The following CEP112 variants were observed in gnomAD, a reference collection of about 807,000 sequenced individuals.
The protein encoded by CEP112 is centrosomal protein of 112 kDa.
CEP112 carries 127 observed loss-of-function variants against 153.0 expected under a neutral mutation model. The ratio of observed to expected loss-of-function variants is 0.83; its 90% CI spans 0.72 to 0.96. CEP112 has a LOEUF of 0.96. Ranked by LOEUF, CEP112 falls within the 40% of genes least tolerant of loss-of-function variation. The probability of loss-of-function intolerance (pLI) is 0.00; values close to 1 mark genes in which losing one functional copy is unlikely to be tolerated. For synonymous variants in CEP112, 358 were observed against 374.4 expected (o/e 0.96, Z 0.51); for missense variants, 1,089 against 1,101.2 (o/e 0.99, Z 0.16).
At chr17:65,971,190 CAT>C (rs1287417046) in intron 17 of CEP112, among the ~76,000 whole-genome samples, 7 of 147,688 alleles carry the variant, frequency 4.7e-5, no homozygotes, top group Non-Finnish European at 9.0e-5. Context: ...ACAGCACATG[CAT>C]ATCACATTGC....
At chr17:65,826,419 A>C in intron 21 of CEP112, 1 of 1,569,304 alleles carries the variant, frequency 6.4e-7, no homozygotes, top group East Asian at 2.2e-5. Context: ...CCCTGATAGA[A>C]AGGTGACTTG....
chr17:65,832,764 T>C (rs901550016), intron 21 of CEP112, among the ~76,000 whole-genome samples: 4 of 151,906 alleles, frequency 2.6e-5, no homozygotes, highest in Non-Finnish European at 5.9e-5. Context: ...AGCCAAATTC[T>C]ACCAGATGTA....
In CEP112 at chr17:66,029,880, T is replaced by C. The variant is rs771393908; in HGVS notation, c.1362A>G (p.Glu454=). Residue 454 remains glutamate, a synonymous_variant, in exon 13 of 27, where the codon GAA becomes GAG. Transcript: ENST00000535342. The part of the protein sequence containing the change: ...CYQITCSELQ[E]VKARRNTLHK... The stretch of plus-strand genomic sequence containing the variant: ...ATTTCAGACAATACCTTGCCTTTAC[T>C]TCTTGTAATTCACTACACGTTATCT... 2 of 1,613,404 alleles carry C rather than the reference T, an allele frequency of 1.2e-6. No homozygotes were observed. The highest frequency in any genetic ancestry group is 2.2e-5 in the South Asian group (2 of 91,010).
chr17:66,050,068 T>G (rs1179202708), intron 12 of CEP112, among the ~76,000 whole-genome samples: 1 of 152,152 alleles, frequency 6.6e-6, no homozygotes, highest in African/African-American at 2.4e-5. Context: ...ACTAGAGACA[T>G]TATAGTGATA....
intron 21 of CEP112, among the ~76,000 whole-genome samples, chr17:65,753,318 T>C (rs1260534901): frequency 1.3e-5 from 2 of 152,154 alleles, no homozygotes; most frequent in Non-Finnish European, 2.9e-5. Flanking sequence ...TGGGGCATAA[T>C]TGTCCATCTA....
At chr17:65,750,556 A>C in intron 22 of CEP112, 106 bp downstream of exon 22, 1 of 878,344 alleles carries the variant, frequency 1.1e-6, no homozygotes, top group African/African-American at 1.7e-5. Flanking sequence ...TCCACAAAAA[A>C]AAACTGAAAA....
rs148209828 is a variant in CEP112, at chr17:66,169,151, T to A, written c.470+5893A>T. On this transcript the variant is annotated intron_variant, in intron 4 of 26. Coordinates refer to ENST00000535342, the MANE Select transcript of CEP112 (RefSeq NM_001199165.4). The stretch of plus-strand genomic sequence containing the variant: ...TAAAAGCAGAAGAGACAGATTAAAT[T>A]ATAGTATATCCACATTATGGATTAT... Among the ~76,000 whole-genome samples, 681 of 152,196 alleles carry A rather than the reference T, an allele frequency of 4.5e-3. 3 individuals are homozygous for A. The highest frequency in any genetic ancestry group is 0.012 in the Admixed American group (187 of 15,286).
intron 20 of CEP112, among the ~76,000 whole-genome samples, chr17:65,856,229 G>T (rs576294741): frequency 6.6e-6 from 1 of 152,100 alleles, no homozygotes; most frequent in Non-Finnish European, 1.5e-5. Context: ...ATAGAATTGC[G>T]CATTGGAAGG....
At chr17:66,132,319 T>G (rs2070222086) in intron 5 of CEP112, among the ~76,000 whole-genome samples, 1 of 151,950 alleles carries the variant, frequency 6.6e-6, no homozygotes, top group African/African-American at 2.4e-5. Context: ...AGAAAAGCAG[T>G]GTTCCCTACT....
intron 6 of CEP112, among the ~76,000 whole-genome samples, chr17:66,128,884 T>C (rs896680304): frequency 2.0e-5 from 3 of 152,146 alleles, no homozygotes; most frequent in Non-Finnish European, 4.4e-5. Context: ...TTGAATCTTA[T>C]AAAAACACAC....
chr17:65,689,883 G>A (rs232124), intron 23 of CEP112, among the ~76,000 whole-genome samples: 67,073 of 151,770 alleles, frequency 0.44, 15,065 homozygotes, highest in Middle Eastern at 0.55. Flanking sequence ...AAAAGAACTT[G>A]TAGTTTCCAT....
chr17:65,656,104 C>T (rs773969861), intron 24 of CEP112, among the ~76,000 whole-genome samples: 1 of 152,192 alleles, frequency 6.6e-6, no homozygotes, highest in Admixed American at 6.5e-5. Context: ...GCAATCATCA[C>T]GTCGCATTAT....
rs966247377 is a variant in CEP112 at position 65,709,518 on chromosome 17, G to A, written c.2608-20300C>T. Among the ~76,000 whole-genome samples, 4 of 152,144 alleles carry A rather than the reference G, an allele frequency of 2.6e-5. No individual in the cohort carries two copies. In the East Asian group the frequency reaches 7.7e-4, roughly 29 times the overall value. ...TCTCGTGAGACTTATTCACTACCATGAGAACCGTATGGGGGAACTGCCCCC... is the reference window on the plus strand; with the variant it reads ...TCTCGTGAGACTTATTCACTACCATAAGAACCGTATGGGGGAACTGCCCCC... On this transcript the variant is annotated intron_variant, in intron 23 of 26. Coordinates refer to ENST00000535342, the MANE Select transcript of CEP112 (RefSeq NM_001199165.4).
At chr17:65,784,216 T>A (rs1424205413) in intron 21 of CEP112, among the ~76,000 whole-genome samples, 1 of 152,176 alleles carries the variant, frequency 6.6e-6, no homozygotes, top group Non-Finnish European at 1.5e-5. Flanking sequence ...GCGAGTAATG[T>A]TAGGTCTAAG....
intron 20 of CEP112, among the ~76,000 whole-genome samples, chr17:65,864,666 C>T (rs2058422830): frequency 6.6e-6 from 1 of 152,082 alleles, no homozygotes; most frequent in African/African-American, 2.4e-5. Context: ...TATGAGTGAG[C>T]GTAGACTAGA....
intron 9 of CEP112, among the ~76,000 whole-genome samples, chr17:66,069,183 G>T (rs1359581850): frequency 6.6e-6 from 1 of 151,734 alleles, no homozygotes; most frequent in Non-Finnish European, 1.5e-5. Flanking sequence ...ACTCAGTTTT[G>T]GGAAGCAGAA....
At chr17:65,970,445 GTATATTA>G (rs2144933227) in intron 17 of CEP112, among the ~76,000 whole-genome samples, 2 of 49,086 alleles carry the variant, frequency 4.1e-5, no homozygotes, top group Non-Finnish European at 8.6e-5. Context: ...CATCATGCAT[GTATATTA>G]CATGCATGCA....
At chr17:65,743,698 T>G (rs1219788106) in intron 22 of CEP112, among the ~76,000 whole-genome samples, 3 of 152,212 alleles carry the variant, frequency 2.0e-5, no homozygotes, top group Non-Finnish European at 4.4e-5. Context: ...TGTTTAACAC[T>G]TTAAGTTCTT....
chr17:66,037,497 G>C (rs924648898), intron 12 of CEP112, among the ~76,000 whole-genome samples: 2 of 152,068 alleles, frequency 1.3e-5, no homozygotes, highest in African/African-American at 4.8e-5. Context: ...GCTAAGTAAT[G>C]ATTAAATCAT....
Sources: gnomAD v4.1 joint callset for allele counts (sites outside exome capture counted in the v4.1 genomes callset) on GRCh38, gnomAD v4.1.1 for gene constraint, MANE v1.5 for transcripts, NCBI Gene and HGNC (gene_info 2026-07-23, HGNC 2026-07-21) for gene names.